The following MEF2C variants were observed in gnomAD, a reference collection of about 807,000 sequenced individuals.
MEF2C encodes the protein myocyte enhancer factor 2C, also known as myocyte-specific enhancer factor 2C.
Under a neutral mutation model 50.5 loss-of-function variants are expected in MEF2C, and 6 were observed. The observed-to-expected ratio is 0.12, with a 90% CI of 0.07 to 0.23. The LOEUF (loss-of-function observed/expected upper bound fraction) is 0.23. Ranked by LOEUF, MEF2C falls within the 10% of genes least tolerant of loss-of-function variation. The pLI is 1.00. For synonymous variants in MEF2C, 183 were observed against 228.0 expected, an observed-to-expected ratio of 0.80 and a Z score of 1.78; for missense variants, 276 against 605.0, an observed-to-expected ratio of 0.46 and a Z score of 5.70.
chr5:88,732,284 G>T (rs1762030651), intron 6 of MEF2C, among the ~76,000 whole-genome samples: 1 of 152,140 alleles, frequency 6.6e-6, no homozygotes, highest in Admixed American at 6.5e-5. Context: ...CACTCTTTCA[G>T]TTCACTGGTT....
intron 4 of MEF2C, among the ~76,000 whole-genome samples, chr5:88,756,622 T>C (rs1775445064): frequency 6.6e-6 from 1 of 152,208 alleles, no homozygotes; most frequent in Non-Finnish European, 1.5e-5. Context: ...GATTTTCTTA[T>C]CTAAGGCATG....
intron 1 of MEF2C, among the ~76,000 whole-genome samples, chr5:88,896,411 G>A (rs1026682502): frequency 6.6e-6 from 1 of 152,144 alleles, no homozygotes; most frequent in Non-Finnish European, 1.5e-5. Context: ...CTTGAACAGG[G>A]TTTAAGAACT....
chr5:88,720,237 T>C lies in MEF2C; in HGVS notation c.*2367A>G, dbSNP rs76812257. 1 of 152,320 alleles carries C rather than the reference T, an allele frequency of 6.6e-6. No homozygotes were observed. Among genetic ancestry groups the C allele is most frequent in the African/African-American group, 2.4e-5 (1 of 41,448 alleles). 9.4% of individuals were successfully genotyped at this position (152,320 alleles called of 1,614,324 possible). ...GTGCGTGTGTGTGTATGAGTGTGTA[T>C]ATTTTCAGGGATGTTTTTGTTTTTC... On this transcript the variant is annotated 3_prime_UTR_variant, in exon 11 of 11. Transcript: ENST00000504921.
chr5:88,864,535 T>C (rs1826612951), intron 1 of MEF2C, among the ~76,000 whole-genome samples: 1 of 150,954 alleles, frequency 6.6e-6, no homozygotes, highest in African/African-American at 2.4e-5. Flanking sequence ...TATTTATAAA[T>C]ACACATAAAT....
At chr5:88,761,464 G>A in intron 3 of MEF2C, 136 bp from the exon 4 acceptor site, 1 of 1,046,784 alleles carries the variant, frequency 9.6e-7, no homozygotes, top group Non-Finnish European at 1.4e-6. Flanking sequence ...AGAAACCACA[G>A]ATGAAAGCTG....
At chr5:88,798,631 C>A (rs942184544) in intron 3 of MEF2C, among the ~76,000 whole-genome samples, 1 of 152,060 alleles carries the variant, frequency 6.6e-6, no homozygotes, top group Non-Finnish European at 1.5e-5. Context: ...CCTTCTGAAG[C>A]CTATTTCTGT....
At chr5:88,747,333 CTTTTTTT>C (rs950842424) in intron 6 of MEF2C, among the ~76,000 whole-genome samples, 42 of 21,734 alleles carry the variant, frequency 1.9e-3, no homozygotes, top group South Asian at 2.9e-3. Flanking sequence ...TTTTTTACTA[CTTTTTTT>C]TTTTTTTTTT....
chr5:88,729,815 C>T (rs1290325812), intron 8 of MEF2C, among the ~76,000 whole-genome samples: 19 of 152,016 alleles, frequency 1.2e-4, no homozygotes, highest in Non-Finnish European at 2.9e-5. Context: ...TCAGATTCTT[C>T]TAAACTTCCC....
chr5:88,751,824 A>G, intron 5 of MEF2C, 33 bp downstream of exon 5: 1 of 1,600,662 alleles, frequency 6.2e-7, no homozygotes, highest in Non-Finnish European at 8.5e-7. Flanking sequence ...CCTTCCAACT[A>G]TTTGTTAGCA....
At chr5:88,810,622 G>A (rs1802374844) in intron 2 of MEF2C, among the ~76,000 whole-genome samples, 1 of 152,136 alleles carries the variant, frequency 6.6e-6, no homozygotes, top group African/African-American at 2.4e-5. Flanking sequence ...CACAATTTGA[G>A]ACTGGATGGT....
At position 88,731,331 on chromosome 5, in the gene MEF2C, C is replaced by T. The variant is rs146815102; in HGVS notation, c.810+398G>A. On this transcript the variant is annotated intron_variant, in intron 7 of 10. Transcript: ENST00000504921. ...GTGGAAAGTACTTTCTCATTGTCAG[C>T]GTGTTGAGGACATAAATATTGTAAA... 2.7e-3 allele frequency: 430 copies of T among 158,654 alleles called. 1 individual carries two copies. The highest frequency in any genetic ancestry group is 4.1e-3 in the Non-Finnish European group (293 of 72,022). The allele number at this position is 158,654 out of a possible 1,614,324, so 9.8% of individuals were successfully genotyped here. A position where few individuals can be genotyped will look rare whatever the true frequency, so the allele number is the denominator to read the frequency against.
chr5:88,759,184 T>A (rs573617349), intron 4 of MEF2C, among the ~76,000 whole-genome samples: 1 of 152,152 alleles, frequency 6.6e-6, no homozygotes. Flanking sequence ...TCATAAGAAC[T>A]AAAAATTGGC....
intron 1 of MEF2C, among the ~76,000 whole-genome samples, chr5:88,871,036 T>A (rs1345988548): frequency 6.6e-6 from 1 of 152,070 alleles, no homozygotes; most frequent in East Asian, 1.9e-4. Flanking sequence ...TCAATAGCGG[T>A]AGAGAGGTCC....
intron 3 of MEF2C, among the ~76,000 whole-genome samples, chr5:88,790,250 A>G (rs138420221): frequency 3.9e-4 from 60 of 152,340 alleles, no homozygotes; most frequent in African/African-American, 1.4e-3. Context: ...CATGATTCTA[A>G]CCCTCCATAA....
chr5:88,829,947 G>A (rs773237719), intron 1 of MEF2C, among the ~76,000 whole-genome samples: 2 of 151,938 alleles, frequency 1.3e-5, no homozygotes, highest in East Asian at 1.9e-4. Flanking sequence ...CCTGCTGCTC[G>A]TATGATTGCT....
intron 3 of MEF2C, among the ~76,000 whole-genome samples, chr5:88,787,021 C>T (rs1791270574): frequency 6.6e-6 from 1 of 152,182 alleles, no homozygotes; most frequent in Admixed American, 6.5e-5. Flanking sequence ...CCATCAATAT[C>T]TACTGAATGA....
chr5:88,838,460 C>T (rs531034425), intron 1 of MEF2C: 10 of 599,768 alleles, frequency 1.7e-5, no homozygotes, highest in Middle Eastern at 1.7e-3. Context: ...AGTATATATT[C>T]TTCACAATTC....
At chr5:88,834,004 T>A (rs182663577) in intron 1 of MEF2C, among the ~76,000 whole-genome samples, 4 of 152,286 alleles carry the variant, frequency 2.6e-5, no homozygotes, top group African/African-American at 4.8e-5. Flanking sequence ...AGTTATAGCA[T>A]TCCTCTCAAA....
At chr5:88,741,492 C>G in intron 6 of MEF2C, 1 of 985,344 alleles carries the variant, frequency 1.0e-6, no homozygotes, top group Non-Finnish European at 1.2e-6. Flanking sequence ...TTTTCCCAAA[C>G]TACTCCTTGG....
Sources: allele counts gnomAD v4.1 joint callset (sites outside exome capture counted in the v4.1 genomes callset), GRCh38; gene constraint gnomAD v4.1.1; transcripts MANE v1.5; gene names NCBI Gene and HGNC (gene_info 2026-07-23, HGNC 2026-07-21).